The following GALNT13 variants were observed in gnomAD, a reference collection of about 807,000 sequenced individuals.
GALNT13 encodes UDP-GalNAc:polypeptide N-acetylgalactosaminyltransferase 13.
A neutral mutation model predicts 64.2 loss-of-function variants in GALNT13; 28 were observed. That is an observed-to-expected ratio of 0.44 (90% confidence interval 0.32 to 0.60). The LOEUF (loss-of-function observed/expected upper bound fraction) is 0.60. GALNT13 is among the 20% of genes least tolerant of loss of function. The pLI, the probability that GALNT13 is intolerant of heterozygous loss-of-function variation, is 0.05. For synonymous variants in GALNT13, 214 were observed against 224.6 expected, an observed-to-expected ratio of 0.95 and a Z score of 0.42; for missense variants, 577 against 669.8, an observed-to-expected ratio of 0.86 and a Z score of 1.53.
At chr2:153,697,035 G>T in the GALNT13 span, among the ~76,000 whole-genome samples, 277 of 152,288 alleles carry the variant, frequency 1.8e-3, 1 homozygote, top group African/African-American at 5.7e-3. Flanking sequence ...CTGAGGGTTT[G>T]CAGAAGCCTT....
At chr2:153,729,557 A>C in the GALNT13 span, among the ~76,000 whole-genome samples, 1 of 152,072 alleles carries the variant, frequency 6.6e-6, no homozygotes, top group African/African-American at 2.4e-5. Flanking sequence ...CTCTGGAGTC[A>C]ATTTTGATGT....
At chr2:154,153,198 C>T (rs1684166158) in intron 4 of GALNT13, among the ~76,000 whole-genome samples, 1 of 152,164 alleles carries the variant, frequency 6.6e-6, no homozygotes, top group Non-Finnish European at 1.5e-5. Flanking sequence ...GAGGTCCACT[C>T]CAGACCCTCT....
the GALNT13 span, among the ~76,000 whole-genome samples, chr2:153,408,558 C>T: frequency 1.3e-5 from 2 of 152,096 alleles, no homozygotes; most frequent in African/African-American, 4.8e-5. Context: ...GGCTTGCTCC[C>T]ACCACTAAAA....
the GALNT13 span, among the ~76,000 whole-genome samples, chr2:153,845,647 G>A: frequency 6.6e-6 from 1 of 152,142 alleles, no homozygotes; most frequent in Non-Finnish European, 1.5e-5. Context: ...TAAAACTTTA[G>A]TATTTTAGGG....
intron 3 of GALNT13, among the ~76,000 whole-genome samples, chr2:154,093,396 A>C (rs10192083): frequency 0.05 from 7,641 of 152,046 alleles, 378 homozygotes; most frequent in African/African-American, 0.13. Context: ...AATTTTAGCT[A>C]AGTACAGTTC....
chr2:153,566,418 G>A, the GALNT13 span, among the ~76,000 whole-genome samples: 1 of 140,348 alleles, frequency 7.1e-6, no homozygotes, highest in Admixed American at 7.7e-5. Context: ...GCAGTGGCGC[G>A]ATCTCAGCTC....
intron 3 of GALNT13, among the ~76,000 whole-genome samples, chr2:154,114,328 C>T (rs1157203530): frequency 6.6e-6 from 1 of 152,100 alleles, no homozygotes; most frequent in African/African-American, 2.4e-5. Context: ...GAAATGACCA[C>T]AGGATGAATT....
rs1396213664 is a variant in GALNT13 at position 153,884,405 on chromosome 2, TAAAC to T, written c.-177+12105_-177+12108del. On this transcript the variant is annotated intron_variant, in intron 1 of 12. Transcript: ENST00000392825. The stretch of plus-strand genomic sequence containing the variant: ...TTTAAAGATTCCATTGTAGAGCTAA[TAAAC>T]AATTAAAAGTGAGTTCCTCTGGGGA... 2.6e-5 allele frequency among the ~76,000 whole-genome samples: 4 copies of T among 151,832 alleles called. No individual in the cohort carries two copies. The East Asian group carries it at 5.8e-4, about 22-fold the overall frequency.
intron 3 of GALNT13, among the ~76,000 whole-genome samples, chr2:154,114,257 AAT>A (rs1703153375): frequency 6.6e-6 from 1 of 152,136 alleles, no homozygotes; most frequent in Admixed American, 6.6e-5. Flanking sequence ...TTAGGGGGCC[AAT>A]GTGGGGGTTC....
intron 8 of GALNT13, among the ~76,000 whole-genome samples, chr2:154,265,379 C>G (rs1297856820): frequency 1.3e-5 from 2 of 152,020 alleles, no homozygotes; most frequent in African/African-American, 4.8e-5. Context: ...AACTGGTGAA[C>G]TCTACCAAAT....
chr2:154,095,596 C>G (rs1329464506), intron 3 of GALNT13, among the ~76,000 whole-genome samples: 1 of 151,856 alleles, frequency 6.6e-6, no homozygotes, highest in Non-Finnish European at 1.5e-5. Context: ...TATGGTTTCC[C>G]TACAGAAGAG....
chr2:154,393,190 G>C (rs1368497883), intron 9 of GALNT13, among the ~76,000 whole-genome samples: 1 of 152,168 alleles, frequency 6.6e-6, no homozygotes, highest in Non-Finnish European at 1.5e-5. Flanking sequence ...TGGGGAACAA[G>C]TAAGATTACA....
chr2:154,283,195 A>G (rs1259062958), intron 8 of GALNT13, among the ~76,000 whole-genome samples: 1 of 152,156 alleles, frequency 6.6e-6, no homozygotes, highest in East Asian at 1.9e-4. Context: ...GAAAGTGGAG[A>G]GTTGATATAC....
the GALNT13 span, among the ~76,000 whole-genome samples, chr2:153,268,828 TG>T: frequency 6.6e-6 from 1 of 152,196 alleles, no homozygotes; most frequent in African/African-American, 2.4e-5. Context: ...TTGCACCCTT[TG>T]AAGCAATGGC....
At chr2:154,268,360 T>C (rs957571431) in intron 8 of GALNT13, among the ~76,000 whole-genome samples, 2 of 152,162 alleles carry the variant, frequency 1.3e-5, no homozygotes, top group African/African-American at 4.8e-5. Context: ...TTTTAGTAAA[T>C]GCAAACTAAT....
At chr2:153,599,672 T>C in the GALNT13 span, among the ~76,000 whole-genome samples, 2 of 151,792 alleles carry the variant, frequency 1.3e-5, no homozygotes, top group African/African-American at 2.4e-5. Context: ...AAGACACAAC[T>C]CCCCAAGAGA....
chr2:153,491,644 G>A, the GALNT13 span, among the ~76,000 whole-genome samples: 6 of 145,116 alleles, frequency 4.1e-5, no homozygotes, highest in East Asian at 2.0e-4. Context: ...TTCTTCAGAC[G>A]GAGTCTCGCT....
the GALNT13 span, among the ~76,000 whole-genome samples, chr2:153,555,113 G>C: frequency 6.6e-6 from 1 of 151,748 alleles, no homozygotes; most frequent in Admixed American, 6.6e-5. Context: ...GTGGAGTAGA[G>C]AGAAACCTTC....
the GALNT13 span, among the ~76,000 whole-genome samples, chr2:153,708,141 T>G: frequency 0.12 from 18,782 of 152,084 alleles, 1,835 homozygotes; most frequent in African/African-American, 0.27. Context: ...AGGGCCCACC[T>G]TTGGCAATCT....
Sources: gnomAD v4.1 joint callset for allele counts (sites outside exome capture counted in the v4.1 genomes callset) on GRCh38, gnomAD v4.1.1 for gene constraint, MANE v1.5 for transcripts, NCBI Gene and HGNC (gene_info 2026-07-23, HGNC 2026-07-21) for gene names.